AFF3: variants seen among roughly 807,000 people sequenced by gnomAD.
AFF3 encodes the protein ALF transcription elongation factor 3, also known as AF4/FMR2 family member 3.
AFF3 carries 32 observed loss-of-function variants against 129.7 expected under a neutral mutation model. That is an observed-to-expected ratio of 0.25 (90% CI 0.19 to 0.33). The LOEUF (loss-of-function observed/expected upper bound fraction) is 0.33, where lower values mean the gene tolerates loss of function less well. Ranked by LOEUF, AFF3 falls within the 10% of genes least tolerant of loss-of-function variation. The pLI is 1.00. For synonymous variants in AFF3, 644 were observed against 635.4 expected, an observed-to-expected ratio of 1.01 and a Z score of -0.20; for missense variants, 1,373 against 1,592.0, an observed-to-expected ratio of 0.86 and a Z score of 2.34.
intron 4 of AFF3, among the ~76,000 whole-genome samples, chr2:100,073,261 TGGTGTCCTCATGAAAA>T (rs1688340694): frequency 6.6e-6 from 1 of 152,218 alleles, no homozygotes; most frequent in Non-Finnish European, 1.5e-5. Context: ...CCTGTGTGAC[TGGTGTCCTCATGAAAA>T]GGGGACACGT....
At chr2:99,583,116 A>T (rs1343030984) in intron 16 of AFF3, 117 bp from the exon 17 acceptor site, 6 of 809,836 alleles carry the variant, frequency 7.4e-6, no homozygotes, top group Non-Finnish European at 1.2e-5. Flanking sequence ...GCTTATTGGG[A>T]ATTATTATAC....
chr2:99,616,712 C>T (rs567170402), intron 13 of AFF3, among the ~76,000 whole-genome samples: 11 of 152,014 alleles, frequency 7.2e-5, no homozygotes, highest in Non-Finnish European at 1.5e-4. Context: ...GCCGAGATCG[C>T]GCCACTGCAC....
chr2:99,725,952 T>G (rs1679330787), intron 11 of AFF3, among the ~76,000 whole-genome samples: 1 of 152,248 alleles, frequency 6.6e-6, no homozygotes, highest in African/African-American at 2.4e-5. Flanking sequence ...AACTGAATTT[T>G]CAATGATTCT....
intron 13 of AFF3, among the ~76,000 whole-genome samples, chr2:99,610,834 T>C (rs1049283177): frequency 2.6e-5 from 4 of 152,202 alleles, no homozygotes; most frequent in African/African-American, 9.7e-5. Flanking sequence ...TTTGTAAAAT[T>C]TGGCATTTTT....
At chr2:99,810,221 G>T (rs779778830) in intron 8 of AFF3, among the ~76,000 whole-genome samples, 1 of 152,220 alleles carries the variant, frequency 6.6e-6, no homozygotes, top group Non-Finnish European at 1.5e-5. Flanking sequence ...GAAGTGGAAT[G>T]CTGTGGTTAT....
chr2:99,642,705 T>C (rs1684319548), intron 13 of AFF3, among the ~76,000 whole-genome samples: 1 of 152,216 alleles, frequency 6.6e-6, no homozygotes, highest in Admixed American at 6.5e-5. Flanking sequence ...CCAGCCAAGC[T>C]GCTCTATTGG....
chr2:99,873,060 A>G (rs1692001796), intron 7 of AFF3, among the ~76,000 whole-genome samples: 1 of 152,220 alleles, frequency 6.6e-6, no homozygotes, highest in Non-Finnish European at 1.5e-5. Flanking sequence ...TTTAAAGTGA[A>G]ATAGTGTTTC....
chr2:100,041,779 T>C (rs1685451867), intron 4 of AFF3, among the ~76,000 whole-genome samples: 2 of 152,244 alleles, frequency 1.3e-5, no homozygotes, highest in African/African-American at 4.8e-5. Context: ...TTGACTCATT[T>C]TGCATAAAAC....
intron 7 of AFF3, among the ~76,000 whole-genome samples, chr2:99,877,227 TG>T (rs1260109271): frequency 6.6e-6 from 1 of 152,160 alleles, no homozygotes; most frequent in Non-Finnish European, 1.5e-5. Context: ...TCTCAGTTTC[TG>T]GGTTGGATGA....
intron 4 of AFF3, among the ~76,000 whole-genome samples, chr2:100,028,254 T>C (rs1684206414): frequency 6.6e-6 from 1 of 152,144 alleles, no homozygotes; most frequent in African/African-American, 2.4e-5. Flanking sequence ...TAGAACATTT[T>C]CAGAATCTTT....
At chr2:100,007,783 T>C (rs1224884320) in intron 5 of AFF3, 2 of 310,492 alleles carry the variant, frequency 6.4e-6, no homozygotes, top group East Asian at 1.5e-4. Context: ...GAGATCAGCC[T>C]GACCAACACG....
At chr2:99,744,304 T>C (rs1680958533) in intron 9 of AFF3, among the ~76,000 whole-genome samples, 164 bp from the exon 10 acceptor site, 1 of 152,240 alleles carries the variant, frequency 6.6e-6, no homozygotes, top group African/African-American at 2.4e-5. Context: ...GACACATACA[T>C]GTTAAGCAGT....
At chr2:100,038,872 A>T (rs767847169) in intron 4 of AFF3, among the ~76,000 whole-genome samples, 17 of 151,686 alleles carry the variant, frequency 1.1e-4, no homozygotes, top group Non-Finnish European at 1.9e-4. Flanking sequence ...ACAGGTGCCC[A>T]CGACCACGCC....
intron 8 of AFF3, among the ~76,000 whole-genome samples, chr2:99,797,403 G>C (rs1685626634): frequency 6.6e-6 from 1 of 152,030 alleles, no homozygotes; most frequent in Non-Finnish European, 1.5e-5. Flanking sequence ...ATGAAATACA[G>C]AGAGAAAAAA....
intron 11 of AFF3, among the ~76,000 whole-genome samples, chr2:99,696,860 G>A (rs1021109627): frequency 6.6e-6 from 1 of 152,032 alleles, no homozygotes; most frequent in Admixed American, 6.6e-5. Context: ...TGCCCAGCTT[G>A]GTCACCAACT....
intron 2 of AFF3, chr2:100,107,036 C>A: frequency 1.0e-6 from 1 of 985,290 alleles, no homozygotes; most frequent in Non-Finnish European, 1.2e-6. Flanking sequence ...AATTGCAAGG[C>A]GGGTATTTAA....
intron 11 of AFF3, among the ~76,000 whole-genome samples, chr2:99,712,106 C>T (rs2104875408): frequency 6.6e-6 from 1 of 152,302 alleles, no homozygotes; most frequent in Admixed American, 6.5e-5. Context: ...TCACTGAAAA[C>T]TTCCCTTCTC....
At chr2:99,649,812 G>T in intron 12 of AFF3, 146 bp from the exon 13 acceptor site, 1 of 797,776 alleles carries the variant, frequency 1.3e-6, no homozygotes, top group East Asian at 2.5e-5. Flanking sequence ...GAAGTAGAGA[G>T]CACTGTTGTA....
At chr2:99,705,551 G>A (rs1677279792) in intron 11 of AFF3, among the ~76,000 whole-genome samples, 1 of 152,020 alleles carries the variant, frequency 6.6e-6, no homozygotes, top group African/African-American at 2.4e-5. Context: ...CTACACAGCT[G>A]ACTAGCTTAT....
Sources: gnomAD v4.1 joint callset for allele counts (sites outside exome capture counted in the v4.1 genomes callset) on GRCh38, gnomAD v4.1.1 for gene constraint, MANE v1.5 for transcripts, NCBI Gene and HGNC (gene_info 2026-07-23, HGNC 2026-07-21) for gene names.